The following GINS3 variants were observed in gnomAD, a reference collection of about 807,000 sequenced individuals.
The protein encoded by GINS3 is DNA replication complex GINS protein PSF3.
In GINS3, 18 loss-of-function variants were observed where a neutral mutation model predicts 20.0. That is an observed-to-expected ratio of 0.90 (90% CI 0.62 to 1.33). The LOEUF is 1.33. GINS3 is among the 40% of genes most tolerant of loss of function. GINS3 has a pLI of 0.00. For synonymous variants in GINS3, 109 were observed against 107.0 expected (o/e 1.02, Z -0.12); for missense variants, 254 against 273.6 (o/e 0.93, Z 0.51).
chr16:58,404,030 CATATT>C (rs1965993194), intron 2 of GINS3: 1 of 164,584 alleles, frequency 6.1e-6, no homozygotes, highest in Admixed American at 5.7e-5. Context: ...AACAATAACT[CATATT>C]GTTATTACTT....
chr16:58,400,038 C>T (rs1026603427), intron 1 of GINS3, among the ~76,000 whole-genome samples: 3 of 152,270 alleles, frequency 2.0e-5, no homozygotes, highest in East Asian at 3.9e-4. Flanking sequence ...TTTCTGGAAT[C>T]ATTTGCATTC....
chr16:58,403,031 C>T, intron 1 of GINS3, 67 bp from the exon 2 acceptor site: 1 of 1,317,334 alleles, frequency 7.6e-7, no homozygotes, highest in African/African-American at 1.4e-5. Context: ...TGTGTATTTC[C>T]TTTTCGTCAC....
chr16:58,402,257 T>C (rs1965965999), intron 1 of GINS3, among the ~76,000 whole-genome samples: 1 of 152,232 alleles, frequency 6.6e-6, no homozygotes, highest in East Asian at 1.9e-4. Context: ...TAAGTTTATC[T>C]TAAAGTTGGC....
chr16:58,394,019 T>C (rs1370565865), intron 1 of GINS3, among the ~76,000 whole-genome samples: 3 of 152,174 alleles, frequency 2.0e-5, no homozygotes, highest in African/African-American at 7.2e-5. Flanking sequence ...GGTTGTTTTT[T>C]TTAATGTAGA....
At chr16:58,395,700 G>C (rs1356966430) in intron 1 of GINS3, among the ~76,000 whole-genome samples, 2 of 152,104 alleles carry the variant, frequency 1.3e-5, no homozygotes, top group Non-Finnish European at 2.9e-5. Flanking sequence ...TCTTAGTACA[G>C]AACAAAATGA....
At position 58,395,515 on chromosome 16, in the gene GINS3, AG is replaced by A. The variant is rs765151668; in HGVS notation, c.186+2731del. ...TTTGTGTCCCTGGGTACTTGAGATT[AG>A]GGAGTGGTGATGACTCTTAACGAGC... On this transcript the variant is annotated intron_variant, in intron 1 of 2. Coordinates refer to ENST00000318129, the MANE Select transcript of GINS3 (RefSeq NM_022770.4). Among the ~76,000 whole-genome samples the A allele has an allele frequency of 7.4e-4, 112 of 151,794 alleles. 1 individual carries two copies. Among genetic ancestry groups the A allele is most frequent in the Admixed American group, 2.2e-3 (34 of 15,258 alleles).
At chr16:58,392,833 C>CG in intron 1 of GINS3, 46 bp downstream of exon 1, 1 of 1,520,862 alleles carries the variant, frequency 6.6e-7, no homozygotes, top group Non-Finnish European at 8.8e-7. Context: ...CTGCAGCTCC[C>CG]GGCGGGCCCC....
At chr16:58,401,204 G>T (rs1262801054) in intron 1 of GINS3, among the ~76,000 whole-genome samples, 1 of 152,050 alleles carries the variant, frequency 6.6e-6, no homozygotes, top group African/African-American at 2.4e-5. Flanking sequence ...TGTGTCCGGA[G>T]TTTGTTCCTT....
chr16:58,394,626 C>T (rs1180066453), intron 1 of GINS3, among the ~76,000 whole-genome samples: 2 of 152,228 alleles, frequency 1.3e-5, no homozygotes, highest in Non-Finnish European at 2.9e-5. Context: ...GGATTACAGG[C>T]GTAAGCCACC....
At position 58,400,734 on chromosome 16, in the gene GINS3, T is replaced by C. The variant is rs149653447; in HGVS notation, c.187-2364T>C. On this transcript the variant is annotated intron_variant, in intron 1 of 2. Coordinates refer to ENST00000318129, the MANE Select transcript of GINS3 (RefSeq NM_022770.4). ...GTATAAGATTTTACACTCACAGTTATGTTCTTTTAGCACATAAAAAAAAAA... is the reference window on the plus strand; with the variant it reads ...GTATAAGATTTTACACTCACAGTTACGTTCTTTTAGCACATAAAAAAAAAA... Among the ~76,000 whole-genome samples the C allele has an allele frequency of 5.4e-3, 821 of 152,290 alleles. 7 individuals are homozygous for C. The highest frequency in any genetic ancestry group is 0.017 in the African/African-American group (722 of 41,566).
chr16:58,398,195 A>G (rs112078698), intron 1 of GINS3, among the ~76,000 whole-genome samples: 2,006 of 152,206 alleles, frequency 0.013, 10 homozygotes, highest in Non-Finnish European at 0.021. Context: ...TAATTTTTCA[A>G]TCTTCTTTTA....
chr16:58,397,570 T>C (rs1005648621), intron 1 of GINS3, among the ~76,000 whole-genome samples: 70 of 151,808 alleles, frequency 4.6e-4, no homozygotes, highest in African/African-American at 1.6e-3. Context: ...CTCGGGAGGC[T>C]GAGGCTGGCG....
chr16:58,400,308 C>T (rs994869419), intron 1 of GINS3, among the ~76,000 whole-genome samples: 1 of 152,228 alleles, frequency 6.6e-6, no homozygotes, highest in African/African-American at 2.4e-5. Flanking sequence ...TGGAGTCACA[C>T]AGGATGCACT....
rs1258259872 is a variant in GINS3, at chr16:58,392,930, T to G, written c.186+143T>G. On this transcript the variant is annotated intron_variant, in intron 1 of 2. Transcript: ENST00000318129. ...CAGGGCCGAAGGCGCTAACGACTTC[T>G]CGGAAACTCCGCGGGGGTCCCTTCG... 3 of 851,124 alleles carry G rather than the reference T, an allele frequency of 3.5e-6. No individual in the cohort carries two copies. The East Asian group carries it at 8.4e-5, about 24-fold the overall frequency. The allele number at this position is 851,124 out of a possible 1,614,324, so 52.7% of individuals were successfully genotyped here.
intron 1 of GINS3, among the ~76,000 whole-genome samples, chr16:58,396,324 A>C (rs1389679299): frequency 6.6e-3 from 451 of 67,946 alleles, no homozygotes; most frequent in Middle Eastern, 0.014. Flanking sequence ...CTCCTCACTT[A>C]CCAGTAGGGG....
chr16:58,393,345 T>C (rs1965808388), intron 1 of GINS3, among the ~76,000 whole-genome samples: 1 of 152,172 alleles, frequency 6.6e-6, no homozygotes, highest in Admixed American at 6.5e-5. Flanking sequence ...GCTGGGTCAC[T>C]TGGCCAGGGC....
Position 58,405,601 on chromosome 16 carries a change from A to G in GINS3, c.*872A>G, listed in dbSNP as rs1204697735. 6.6e-6 allele frequency: 1 copy of G among 152,232 alleles called. No individual in the cohort carries two copies. Among genetic ancestry groups the G allele is most frequent in the East Asian group, 1.9e-4 (1 of 5,196 alleles). 9.4% of individuals were successfully genotyped at this position (152,232 alleles called of 1,614,324 possible). On this transcript the variant is annotated 3_prime_UTR_variant, in exon 3 of 3. Coordinates refer to ENST00000318129, the MANE Select transcript of GINS3 (RefSeq NM_022770.4). ...CTGACTATGAAGGGCCCTGTTTTCA[A>G]AATCTAACATTGCAAGTGTAAATGG...
In GINS3 at chr16:58,392,568, C is replaced by T; in HGVS notation, c.-34C>T. On this transcript the variant is annotated 5_prime_UTR_variant, in exon 1 of 3. It adds an upstream start codon to the 5' untranslated region. Transcript: ENST00000318129. ...TAACTCCTGAGGCTCCTCCGAATCACGCGAGTGGAAGCGGAGAAGCTCAAG... is the reference window on the plus strand; with the variant it reads ...TAACTCCTGAGGCTCCTCCGAATCATGCGAGTGGAAGCGGAGAAGCTCAAG... The T allele has an allele frequency of 3.1e-6, 5 of 1,609,012 alleles. No individual in the cohort carries two copies. The highest frequency in any genetic ancestry group is 4.3e-6 in the Non-Finnish European group (5 of 1,176,324).
At chr16:58,393,080 T>A (rs1018106630) in intron 1 of GINS3, among the ~76,000 whole-genome samples, 1 of 152,222 alleles carries the variant, frequency 6.6e-6, no homozygotes, top group Non-Finnish European at 1.5e-5. Flanking sequence ...GTCTTCCCCC[T>A]ACCCCATGCA....
Sources: gnomAD v4.1 joint callset for allele counts (sites outside exome capture counted in the v4.1 genomes callset) on GRCh38, gnomAD v4.1.1 for gene constraint, MANE v1.5 for transcripts, NCBI Gene and HGNC (gene_info 2026-07-23, HGNC 2026-07-21) for gene names.